Variants in CDH12 observed in about 807,000 individuals in gnomAD.
CDH12 encodes cadherin-12.
In CDH12, 41 loss-of-function variants were observed where a neutral mutation model predicts 74.1. That is an observed-to-expected ratio of 0.55 (90% CI 0.43 to 0.72). CDH12 has a LOEUF of 0.72. CDH12 is among the 30% of genes least tolerant of loss of function. CDH12 has a pLI of 0.00. For synonymous variants in CDH12, 399 were observed against 355.0 expected, an observed-to-expected ratio of 1.12 and a Z score of -1.39; for missense variants, 945 against 977.2, an observed-to-expected ratio of 0.97 and a Z score of 0.44.
intron 1 of CDH12, among the ~76,000 whole-genome samples, chr5:22,578,345 A>T (rs910232455): frequency 6.7e-6 from 1 of 149,008 alleles, no homozygotes; most frequent in Non-Finnish European, 1.5e-5. Context: ...TTCCTAAACC[A>T]TGATATGAAC....
rs546379631 is a variant in CDH12, at chr5:22,585,130, G to A, written c.-522-79766C>T. ...TCTGGTAGAATATACTTCTGTTATTGTTTTTTCTGAAAGTAACGTTGTTTT... is the reference window on the plus strand; with the variant it reads ...TCTGGTAGAATATACTTCTGTTATTATTTTTTCTGAAAGTAACGTTGTTTT... On this transcript the variant is annotated intron_variant, in intron 1 of 14. Coordinates refer to ENST00000382254, the MANE Select transcript of CDH12 (RefSeq NM_004061.5). 1.4e-3 allele frequency among the ~76,000 whole-genome samples: 210 copies of A among 152,188 alleles called. 2 individuals are homozygous for A. The Middle Eastern group carries it at 0.037, about 27-fold the overall frequency.
At chr5:22,277,684 A>G (rs1256374471) in intron 3 of CDH12, among the ~76,000 whole-genome samples, 1 of 151,616 alleles carries the variant, frequency 6.6e-6, no homozygotes, top group Non-Finnish European at 1.5e-5. Context: ...AATACAAAAA[A>G]TCAGCCAGGC....
intron 3 of CDH12, among the ~76,000 whole-genome samples, chr5:22,213,946 CGT>C (rs1751692352): frequency 6.6e-6 from 1 of 151,072 alleles, no homozygotes; most frequent in African/African-American, 2.4e-5. Flanking sequence ...CGTGTGCTTG[CGT>C]GTGTGTGTGA....
intron 1 of CDH12, among the ~76,000 whole-genome samples, chr5:22,570,994 T>A (rs1013424689): frequency 6.6e-6 from 1 of 152,198 alleles, no homozygotes; most frequent in African/African-American, 2.4e-5. Context: ...TTCTTAAACT[T>A]TGTAAGCCAA....
At chr5:22,218,254 A>C (rs1293017885) in intron 3 of CDH12, among the ~76,000 whole-genome samples, 1 of 151,708 alleles carries the variant, frequency 6.6e-6, no homozygotes, top group Non-Finnish European at 1.5e-5. Flanking sequence ...TATTCACTCC[A>C]AAGAAAAAAA....
chr5:22,766,536 C>G (rs1746524051), intron 1 of CDH12, among the ~76,000 whole-genome samples: 1 of 151,956 alleles, frequency 6.6e-6, no homozygotes, highest in South Asian at 2.1e-4. Context: ...GTATTTAAAA[C>G]AGTACTTTAG....
rs114506755 is a variant in CDH12 at position 22,429,203 on chromosome 5, C to T, written c.-427-23852G>A. On this transcript the variant is annotated intron_variant, in intron 2 of 14. Transcript: ENST00000382254. ...CTGGAGTACAGTGGTGCGATCATGA[C>T]TCATGCAGCCCCCACCCTCCTGGGC... is the stretch of plus-strand genomic sequence containing the variant. 8.0e-3 allele frequency among the ~76,000 whole-genome samples: 1,212 copies of T among 152,004 alleles called. 14 individuals are homozygous for T. Among genetic ancestry groups the T allele is most frequent in the African/African-American group, 0.028 (1,152 of 41,442 alleles).
At chr5:22,267,032 G>A (rs1036817273) in intron 3 of CDH12, among the ~76,000 whole-genome samples, 7 of 152,038 alleles carry the variant, frequency 4.6e-5, no homozygotes, top group African/African-American at 1.7e-4. Flanking sequence ...CATTTTTGAA[G>A]CTTCTCAACA....
intron 1 of CDH12, among the ~76,000 whole-genome samples, chr5:22,689,021 C>A (rs1741949523): frequency 6.6e-6 from 1 of 151,922 alleles, no homozygotes; most frequent in Non-Finnish European, 1.5e-5. Flanking sequence ...TATTCACAGC[C>A]TGAATTAAAA....
chr5:22,197,598 T>C (rs1449472647), intron 4 of CDH12, among the ~76,000 whole-genome samples: 1 of 152,224 alleles, frequency 6.6e-6, no homozygotes, highest in Non-Finnish European at 1.5e-5. Flanking sequence ...TCTTCTGTTT[T>C]ATTCTAAATT....
chr5:22,016,070 A>G (rs545299513), intron 5 of CDH12, among the ~76,000 whole-genome samples: 2 of 152,068 alleles, frequency 1.3e-5, no homozygotes, highest in Non-Finnish European at 2.9e-5. Flanking sequence ...AGATATGGCT[A>G]TTGGCTATTA....
At chr5:22,087,157 A>G (rs925011235) in intron 4 of CDH12, among the ~76,000 whole-genome samples, 2 of 152,196 alleles carry the variant, frequency 1.3e-5, no homozygotes, top group Non-Finnish European at 2.9e-5. Context: ...TAATTAAGGA[A>G]ACCTGAAGAA....
At chr5:22,480,575 C>T (rs1281541459) in intron 2 of CDH12, among the ~76,000 whole-genome samples, 1 of 113,790 alleles carries the variant, frequency 8.8e-6, no homozygotes, top group Admixed American at 1.0e-4. Flanking sequence ...ACAGTGAAGC[C>T]CTATCTCAAA....
intron 6 of CDH12, among the ~76,000 whole-genome samples, chr5:21,924,573 T>C (rs1030071493): frequency 3.4e-4 from 52 of 152,306 alleles, no homozygotes; most frequent in Admixed American, 1.5e-3. Flanking sequence ...TTACTAGCTT[T>C]GCACTTATCT....
intron 1 of CDH12, among the ~76,000 whole-genome samples, chr5:22,738,569 T>C (rs1249176145): frequency 1.3e-5 from 2 of 152,092 alleles, no homozygotes; most frequent in African/African-American, 4.8e-5. Flanking sequence ...TTAAGCTTTG[T>C]AGGGGATTTG....
rs1561225754 is a variant in CDH12 at position 21,833,307 on chromosome 5, G to GTTATATAATATATAATATATA, written c.814+8853_814+8854insTATATATTATATATTATATAA. 1.5e-4 allele frequency among the ~76,000 whole-genome samples: 4 copies of GTTATATAATATATAATATATA among 26,466 alleles called. 1 individual carries two copies. The African/African-American group carries it at 4.1e-3, about 27-fold the overall frequency. 17.4% of individuals were successfully genotyped at this position (26,466 alleles called of 152,430 possible). On this transcript the variant is annotated intron_variant, in intron 8 of 14. Transcript: ENST00000382254. ...ATATAACATATAATATATATTATAT[G>GTTATATAATATATAATATATA]TTATATGTTATATAATATATATTAT...
At chr5:22,826,350 A>C (rs909130853) in intron 1 of CDH12, among the ~76,000 whole-genome samples, 8 of 152,138 alleles carry the variant, frequency 5.3e-5, no homozygotes, top group Non-Finnish European at 1.0e-4. Flanking sequence ...TCTCCATTAA[A>C]GCTCTTTCCT....
At chr5:21,971,473 C>T (rs1756851366) in intron 6 of CDH12, among the ~76,000 whole-genome samples, 1 of 152,050 alleles carries the variant, frequency 6.6e-6, no homozygotes, top group Admixed American at 6.6e-5. Context: ...GTAAGAATTA[C>T]TACATAAATC....
intron 2 of CDH12, among the ~76,000 whole-genome samples, chr5:22,458,624 C>T (rs1745384075): frequency 1.3e-5 from 2 of 152,244 alleles, no homozygotes; most frequent in South Asian, 4.1e-4. Flanking sequence ...AGATCTGAGC[C>T]TTGAAAAGAG....
Sources: gnomAD v4.1 joint callset for allele counts (sites outside exome capture counted in the v4.1 genomes callset) on GRCh38, gnomAD v4.1.1 for gene constraint, MANE v1.5 for transcripts, NCBI Gene and HGNC (gene_info 2026-07-23, HGNC 2026-07-21) for gene names.